UNC13C: variants seen among roughly 807,000 people sequenced by gnomAD.
The protein encoded by UNC13C is unc-13 homolog C.
UNC13C carries 174 observed loss-of-function variants against 245.4 expected under a neutral mutation model. The ratio of observed to expected loss-of-function variants is 0.71; its 90% CI spans 0.63 to 0.80. UNC13C has a LOEUF of 0.80. Ranked by LOEUF, UNC13C falls within the 30% of genes least tolerant of loss-of-function variation. UNC13C has a pLI of 0.00. For synonymous variants in UNC13C, 992 were observed against 895.1 expected, an observed-to-expected ratio of 1.11 and a Z score of -1.93; for missense variants, 2,829 against 2,602.9, an observed-to-expected ratio of 1.09 and a Z score of -1.89.
the UNC13C span, among the ~76,000 whole-genome samples, chr15:53,970,531 A>C: frequency 6.6e-6 from 1 of 152,216 alleles, no homozygotes; most frequent in African/African-American, 2.4e-5. Context: ...TTGAGATCCT[A>C]CTTTGGATGG....
intron 2 of UNC13C, among the ~76,000 whole-genome samples, chr15:54,023,013 C>G (rs1895964341): frequency 1.3e-5 from 2 of 152,322 alleles, no homozygotes; most frequent in South Asian, 4.1e-4. Context: ...TTAGTCCCAA[C>G]TGGAGCCAAA....
intron 2 of UNC13C, among the ~76,000 whole-genome samples, chr15:54,055,011 ATTC>A (rs1897445663): frequency 6.6e-6 from 1 of 152,176 alleles, no homozygotes; most frequent in African/African-American, 2.4e-5. Flanking sequence ...TGCTTTATTT[ATTC>A]TTCTTTTACA....
intron 19 of UNC13C, among the ~76,000 whole-genome samples, chr15:54,486,236 C>T (rs1365934553): frequency 7.5e-6 from 1 of 133,954 alleles, no homozygotes; most frequent in African/African-American, 2.8e-5. Flanking sequence ...GTGGTGAAAA[C>T]CCAGATCTAT....
intron 2 of UNC13C, among the ~76,000 whole-genome samples, chr15:54,095,300 TCTC>T (rs1462045792): frequency 6.6e-6 from 1 of 152,126 alleles, no homozygotes; most frequent in African/African-American, 2.4e-5. Context: ...TGAAAAAGGA[TCTC>T]CTATTTCCCA....
the UNC13C span, among the ~76,000 whole-genome samples, chr15:53,926,322 T>C: frequency 6.6e-6 from 1 of 152,208 alleles, no homozygotes; most frequent in Non-Finnish European, 1.5e-5. Context: ...AATGGCTGCA[T>C]GATCCTAGGG....
At chr15:53,876,047 T>G in the UNC13C span, among the ~76,000 whole-genome samples, 3 of 152,234 alleles carry the variant, frequency 2.0e-5, no homozygotes, top group African/African-American at 7.2e-5. Context: ...TGTTCCCACG[T>G]AATGATTTTT....
At chr15:54,154,163 A>G (rs1218303293) in intron 4 of UNC13C, among the ~76,000 whole-genome samples, 2 of 151,904 alleles carry the variant, frequency 1.3e-5, no homozygotes, top group Non-Finnish European at 2.9e-5. Context: ...ATATTTTTGT[A>G]CCTATTAACC....
intron 30 of UNC13C, among the ~76,000 whole-genome samples, chr15:54,579,715 C>T (rs1314751774): frequency 3.3e-5 from 5 of 152,068 alleles, no homozygotes; most frequent in African/African-American, 9.7e-5. Context: ...GCCGAGATCA[C>T]GCCACTGCAC....
chr15:54,456,263 A>G (rs556490870), intron 19 of UNC13C, among the ~76,000 whole-genome samples: 2 of 152,262 alleles, frequency 1.3e-5, no homozygotes, highest in East Asian at 1.9e-4. Context: ...GACTTGTAGT[A>G]TAGTTTGAAG....
chr15:54,596,029 T>C (rs1321252683), intron 30 of UNC13C, among the ~76,000 whole-genome samples: 3 of 152,262 alleles, frequency 2.0e-5, no homozygotes, highest in South Asian at 2.1e-4. Context: ...GGAGTTTTGG[T>C]TGTCTGCTTG....
downstream of UNC13C, chr15:54,629,246 G>A (rs1373933877): frequency 6.6e-6 from 1 of 152,070 alleles, no homozygotes; most frequent in Non-Finnish European, 1.5e-5. Context: ...GAGGACACAT[G>A]GACACTAAGG....
intron 4 of UNC13C, among the ~76,000 whole-genome samples, chr15:54,186,009 G>A (rs1324487871): frequency 2.6e-5 from 4 of 151,328 alleles, no homozygotes; most frequent in African/African-American, 9.8e-5. Context: ...TGGATTCCTA[G>A]GTATTTTATT....
intron 29 of UNC13C, among the ~76,000 whole-genome samples, chr15:54,565,088 A>G (rs1453746770): frequency 1.3e-5 from 2 of 152,124 alleles, no homozygotes; most frequent in African/African-American, 4.8e-5. Flanking sequence ...ACTCATAACC[A>G]CCAAAGATGT....
chr15:54,475,351 C>A (rs1275312973), intron 19 of UNC13C, among the ~76,000 whole-genome samples: 1 of 150,662 alleles, frequency 6.6e-6, no homozygotes, highest in East Asian at 1.9e-4. Flanking sequence ...TACATGTGCA[C>A]AATGTGCAGG....
At chr15:53,983,570 T>A (rs1894010635) in intron 1 of UNC13C, among the ~76,000 whole-genome samples, 1 of 152,126 alleles carries the variant, frequency 6.6e-6, no homozygotes, top group Admixed American at 6.6e-5. Flanking sequence ...ACAGTATTAC[T>A]GGAGAGTGGT....
chr15:54,007,153 T>C (rs979073155), intron 1 of UNC13C, among the ~76,000 whole-genome samples: 3 of 152,232 alleles, frequency 2.0e-5, no homozygotes, highest in Non-Finnish European at 2.9e-5. Context: ...TGAGGTGCTG[T>C]TGTATTGAAA....
chr15:53,903,735 G>T, the UNC13C span, among the ~76,000 whole-genome samples: 2 of 152,134 alleles, frequency 1.3e-5, no homozygotes, highest in African/African-American at 2.4e-5. Flanking sequence ...AAAATTGGAG[G>T]TCGAAGGGCT....
intron 19 of UNC13C, among the ~76,000 whole-genome samples, chr15:54,419,678 G>T (rs1034075846): frequency 6.6e-6 from 1 of 152,032 alleles, no homozygotes; most frequent in Non-Finnish European, 1.5e-5. Context: ...ATATAATTCT[G>T]CCTCTTTGGT....
At chr15:54,364,302 C>A (rs929197000) in intron 17 of UNC13C, among the ~76,000 whole-genome samples, 2 of 151,920 alleles carry the variant, frequency 1.3e-5, no homozygotes, top group Non-Finnish European at 2.9e-5. Flanking sequence ...AATGACCCCC[C>A]CCCAAGAAAA....
Sources: allele counts gnomAD v4.1 joint callset (sites outside exome capture counted in the v4.1 genomes callset), GRCh38; gene constraint gnomAD v4.1.1; transcripts MANE v1.5; gene names NCBI Gene and HGNC (gene_info 2026-07-23, HGNC 2026-07-21).